Variants in NBAS observed in about 807,000 individuals in gnomAD.
NBAS encodes the protein NAG/BC035112 fusion.
In NBAS, 219 loss-of-function variants were observed where a neutral mutation model predicts 302.5. The observed-to-expected ratio is 0.72, with a 90% CI of 0.65 to 0.81. NBAS has a LOEUF of 0.81. NBAS is among the 30% of genes least tolerant of loss of function. The pLI is 0.00. For missense variants in NBAS, 2,932 were observed against 2,841.6 expected (o/e 1.03, Z -0.72); for synonymous variants, 1,118 against 1,021.6 (o/e 1.09, Z -1.80).
downstream of NBAS, chr2:15,166,851 A>T (rs142493956): frequency 3.7e-4 from 217 of 585,066 alleles, 1 homozygote; most frequent in East Asian, 5.5e-3. Flanking sequence ...TTAATCAATA[A>T]GAAAATATGT....
rs565314553 is a variant in NBAS at position 15,324,063 on chromosome 2, T to C, written c.4582+3687A>G. 5.9e-5 allele frequency among the ~76,000 whole-genome samples: 9 copies of C among 152,190 alleles called. No individual in the cohort carries two copies. In the South Asian group the frequency reaches 1.7e-3, roughly 28 times the overall value. The stretch of plus-strand genomic sequence containing the variant: ...TAATTGGATCGAGTAAAGGGCAAGA[T>C]GGTAGCGAGGACAATCATGCAGGTC... On this transcript the variant is annotated intron_variant, in intron 38 of 51. Transcript: ENST00000281513.
intron 24 of NBAS, 130 bp downstream of exon 24, chr2:15,417,397 A>G: frequency 1.2e-6 from 1 of 820,620 alleles, no homozygotes; most frequent in South Asian, 1.8e-5. Context: ...TTACTGTGAA[A>G]AAAGTCAATC....
At position 15,561,235 on chromosome 2, in the gene NBAS, A is replaced by G; in HGVS notation, c.70T>C (p.Tyr24His). The G allele has an allele frequency of 6.2e-7, 1 of 1,614,062 alleles. No homozygotes were observed. Among genetic ancestry groups the G allele is most frequent in the South Asian group, 1.1e-5 (1 of 91,076 alleles). Reference protein sequence around the residue: ...TAEGEEETILYDLLVNTEWPP... With the variant: ...TAEGEEETILHDLLVNTEWPP... ...CACTCGGTGTTGACCAACAAGTCAT[A>G]GAGAATCGTCTCCTCCTCACCCTCT... Residue 24 changes from tyrosine (Y) to histidine (H), a missense_variant, in exon 1 of 52, where the codon TAT (tyrosine) becomes CAT (histidine). Coordinates refer to ENST00000281513, the MANE Select transcript of NBAS (RefSeq NM_015909.4).
intron 21 of NBAS, among the ~76,000 whole-genome samples, chr2:15,431,106 C>T (rs187747519): frequency 1.6e-4 from 24 of 151,844 alleles, no homozygotes; most frequent in African/African-American, 5.8e-4. Flanking sequence ...TGTGCCCAGC[C>T]GGTAGAGGGC....
At chr2:15,411,333 T>C (rs1211512802) in intron 25 of NBAS, among the ~76,000 whole-genome samples, 3 of 152,162 alleles carry the variant, frequency 2.0e-5, no homozygotes. Context: ...CTCCTTCTCA[T>C]GAGTATTTCT....
At chr2:14,917,667 C>T in the NBAS span, among the ~76,000 whole-genome samples, 1 of 152,212 alleles carries the variant, frequency 6.6e-6, no homozygotes, top group Non-Finnish European at 1.5e-5. Context: ...CACCAGGAGA[C>T]TAAACATTGC....
the NBAS span, among the ~76,000 whole-genome samples, chr2:14,971,036 G>C: frequency 1.3e-5 from 2 of 152,090 alleles, no homozygotes; most frequent in African/African-American, 4.8e-5. Flanking sequence ...CATGAAATTT[G>C]TCTCTTCATT....
intron 34 of NBAS, among the ~76,000 whole-genome samples, chr2:15,353,109 G>T (rs1673445773): frequency 6.6e-6 from 1 of 152,126 alleles, no homozygotes; most frequent in South Asian, 2.1e-4. Context: ...CTCCTATGCA[G>T]ATCTATTCTG....
rs772768391 is a variant in NBAS at position 15,561,163 on chromosome 2, G to A, written c.117+25C>T. On this transcript the variant is annotated intron_variant, in intron 1 of 51. Coordinates refer to ENST00000281513, the MANE Select transcript of NBAS (RefSeq NM_015909.4). ...ACGAAGCGCCCGCGCCAAGCTGGCT[G>A]CTGCTGTAGATGGGCCTGGTTCACC... The A allele has an allele frequency of 1.2e-4, 200 of 1,605,110 alleles. 1 individual carries two copies. The East Asian group carries it at 4.4e-3, about 35-fold the overall frequency.
chr2:15,283,724 A>T (rs1669921541), intron 42 of NBAS, among the ~76,000 whole-genome samples: 1 of 152,222 alleles, frequency 6.6e-6, no homozygotes, highest in Non-Finnish European at 1.5e-5. Context: ...GATTTTCTCT[A>T]ATCTTCACAA....
chr2:15,039,157 T>C, the NBAS span, among the ~76,000 whole-genome samples: 13 of 152,188 alleles, frequency 8.5e-5, no homozygotes, highest in African/African-American at 3.1e-4. Context: ...CTTAGTTTCC[T>C]AATCTGTAAA....
chr2:15,491,563 C>T (rs1680855946), intron 11 of NBAS, among the ~76,000 whole-genome samples: 1 of 151,998 alleles, frequency 6.6e-6, no homozygotes, highest in South Asian at 2.1e-4. Flanking sequence ...AGTGAAACCC[C>T]GTCTCTACTA....
chr2:15,243,965 C>A (rs1192293094), intron 44 of NBAS, among the ~76,000 whole-genome samples: 1 of 152,116 alleles, frequency 6.6e-6, no homozygotes, highest in Non-Finnish European at 1.5e-5. Context: ...AAGGGCGTGA[C>A]ACTCCGTAAA....
At chr2:15,553,911 A>C in intron 4 of NBAS, 150 bp downstream of exon 4, 1 of 700,756 alleles carries the variant, frequency 1.4e-6, no homozygotes, top group Non-Finnish European at 2.5e-6. Context: ...TCTCTCTAAA[A>C]AGTTTAAACA....
the NBAS span, among the ~76,000 whole-genome samples, chr2:15,074,743 T>C: frequency 1.4e-4 from 21 of 152,280 alleles, no homozygotes; most frequent in African/African-American, 4.8e-4. Context: ...ACAAGGATAA[T>C]TTCCTTAATA....
intron 48 of NBAS, among the ~76,000 whole-genome samples, chr2:15,209,461 T>C (rs990577184): frequency 6.6e-6 from 1 of 152,078 alleles, no homozygotes. Context: ...ATTACCCTGA[T>C]ACTAAACCCA....
downstream of NBAS, among the ~76,000 whole-genome samples, chr2:15,163,977 A>C (rs193083395): frequency 1.5e-3 from 229 of 152,176 alleles, no homozygotes; most frequent in African/African-American, 5.3e-3. Flanking sequence ...TTGTATTTTT[A>C]GGAGAGATGG....
chr2:15,437,828 C>G (rs1263397155), intron 21 of NBAS, among the ~76,000 whole-genome samples: 1 of 152,056 alleles, frequency 6.6e-6, no homozygotes, highest in African/African-American at 2.4e-5. Flanking sequence ...AAAATAGATG[C>G]TATAATAAGT....
At chr2:14,935,425 T>C in the NBAS span, among the ~76,000 whole-genome samples, 1 of 152,230 alleles carries the variant, frequency 6.6e-6, no homozygotes, top group Admixed American at 6.5e-5. Context: ...TAACAAGTCA[T>C]TTTTTAAGGG....
Sources: allele counts gnomAD v4.1 joint callset (sites outside exome capture counted in the v4.1 genomes callset), GRCh38; gene constraint gnomAD v4.1.1; transcripts MANE v1.5; gene names NCBI Gene and HGNC (gene_info 2026-07-23, HGNC 2026-07-21).